WBP1L: variants seen among roughly 807,000 people sequenced by gnomAD.
WBP1L encodes WW domain binding protein 1-like.
In WBP1L, 17 loss-of-function variants were observed where a neutral mutation model predicts 33.7. The ratio of observed to expected loss-of-function variants is 0.50; its 90% CI spans 0.34 to 0.76. The LOEUF is 0.76. Among genes scored for constraint, WBP1L ranks in the 30% least tolerant of loss-of-function variants. The probability of loss-of-function intolerance (pLI) is 0.01; values close to 1 mark genes in which losing one functional copy is unlikely to be tolerated. For missense variants in WBP1L, 389 were observed against 469.4 expected, an observed-to-expected ratio of 0.83 and a Z score of 1.58; for synonymous variants, 173 against 190.8, an observed-to-expected ratio of 0.91 and a Z score of 0.77.
intron 2 of WBP1L, 47 bp downstream of exon 2, chr10:102,798,142 C>T (rs1229598750): frequency 4.6e-6 from 7 of 1,526,110 alleles, no homozygotes; most frequent in Non-Finnish European, 6.4e-6. Flanking sequence ...GTCCCAGTTA[C>T]TGCCTCTGCT....
At chr10:102,811,757 C>T (rs958154388) in intron 3 of WBP1L, among the ~76,000 whole-genome samples, 22 of 152,170 alleles carry the variant, frequency 1.4e-4, no homozygotes, top group African/African-American at 4.3e-4. Flanking sequence ...GTGATCTGCC[C>T]GCCTCGGCTT....
Position 102,813,313 on chromosome 10 carries a change from C to A in WBP1L, c.1074C>A (p.Ser358Arg). ...INEQDSPNSQ[S>R]SSSPS ...AGCAGGACTCTCCCAACTCCCAGAGCAGCAGCTCCCCCAGCTAGAGCAGGT... is the reference window on the plus strand; with the variant it reads ...AGCAGGACTCTCCCAACTCCCAGAGAAGCAGCTCCCCCAGCTAGAGCAGGT... The change falls in exon 4 of 4, where the codon AGC becomes AGA. Residue 358 changes from serine (S) to arginine (R), a missense_variant. By Grantham distance (110) the Ser-to-Arg change is moderately radical. Coordinates refer to ENST00000448841, the MANE Select transcript of WBP1L (RefSeq NM_001083913.2). The A allele has an allele frequency of 1.9e-6, 3 of 1,609,002 alleles. No homozygotes were observed.
At chr10:102,746,142 G>A (rs1842861953) in intron 1 of WBP1L, 1 of 985,230 alleles carries the variant, frequency 1.0e-6, no homozygotes, top group Admixed American at 6.2e-5. Context: ...GATGGAAAGT[G>A]GAGGTTCCTA....
At chr10:102,773,876 A>C (rs983321048) in intron 1 of WBP1L, among the ~76,000 whole-genome samples, 1 of 145,750 alleles carries the variant, frequency 6.9e-6, no homozygotes, top group African/African-American at 2.6e-5. Flanking sequence ...AAAAAAAAAA[A>C]GGAAGGAAGA....
chr10:102,804,263 C>T (rs1237877538), intron 2 of WBP1L, among the ~76,000 whole-genome samples: 1 of 151,406 alleles, frequency 6.6e-6, no homozygotes, highest in Non-Finnish European at 1.5e-5. Flanking sequence ...TGGTGCATGC[C>T]TGTAGTTCCA....
At chr10:102,790,805 C>T (rs1156660223) in intron 1 of WBP1L, among the ~76,000 whole-genome samples, 2 of 152,176 alleles carry the variant, frequency 1.3e-5, no homozygotes, top group Admixed American at 1.3e-4. Context: ...GCCACCGCGC[C>T]TGGCCAACAG....
At chr10:102,785,335 C>T (rs1033933330) in intron 1 of WBP1L, among the ~76,000 whole-genome samples, 5 of 151,936 alleles carry the variant, frequency 3.3e-5, no homozygotes, top group African/African-American at 1.2e-4. Context: ...CTACAGGCGC[C>T]TGCCACCACG....
At chr10:102,784,963 G>A (rs890244327) in intron 1 of WBP1L, among the ~76,000 whole-genome samples, 19 of 149,730 alleles carry the variant, frequency 1.3e-4, no homozygotes, top group Middle Eastern at 3.2e-3. Flanking sequence ...TGCAACCTCC[G>A]CCTCCAGGTT....
chr10:102,763,571 T>C (rs1437482175), intron 1 of WBP1L, among the ~76,000 whole-genome samples: 2 of 152,100 alleles, frequency 1.3e-5, no homozygotes, highest in Non-Finnish European at 2.9e-5. Flanking sequence ...TGGAACAATT[T>C]AGTTTAAAGG....
At chr10:102,792,886 C>T (rs1431809699) in intron 1 of WBP1L, among the ~76,000 whole-genome samples, 4 of 152,124 alleles carry the variant, frequency 2.6e-5, no homozygotes, top group Admixed American at 6.6e-5. Flanking sequence ...TGAGCCACCG[C>T]GCCGCCTAGT....
rs71019610 is a variant in WBP1L at position 102,747,358 on chromosome 10, CAAAAAAA to C, written c.90+3231_90+3237del. On this transcript the variant is annotated intron_variant, in intron 1 of 3. Coordinates refer to ENST00000448841, the MANE Select transcript of WBP1L (RefSeq NM_001083913.2). ...CTGGTGACAGAGCGAGACTCCGTCTCAAAAAAAAAAAAAAAAAAAAAAGAATGAGAAA... is the reference window on the plus strand; with the variant it reads ...CTGGTGACAGAGCGAGACTCCGTCTCAAAAAAAAAAAAAAAGAATGAGAAA... Among the ~76,000 whole-genome samples the C allele has an allele frequency of 6.3e-5, 5 of 79,022 alleles. No individual in the cohort carries two copies. The East Asian group carries it at 1.0e-3, about 17-fold the overall frequency. The allele number at this position is 79,022 out of a possible 152,430, so 51.8% of individuals were successfully genotyped here.
intron 1 of WBP1L, among the ~76,000 whole-genome samples, chr10:102,759,569 T>G (rs1843013860): frequency 6.6e-6 from 1 of 152,248 alleles, no homozygotes; most frequent in Non-Finnish European, 1.5e-5. Context: ...TCCATTTTAT[T>G]TATTCATCAA....
chr10:102,786,478 C>G (rs946030578), intron 1 of WBP1L, among the ~76,000 whole-genome samples: 3 of 152,144 alleles, frequency 2.0e-5, no homozygotes, highest in Non-Finnish European at 4.4e-5. Context: ...AGTCCCTGCC[C>G]CTAGAGGGTC....
At chr10:102,795,657 A>G (rs2134056728) in intron 1 of WBP1L, among the ~76,000 whole-genome samples, 1 of 152,356 alleles carries the variant, frequency 6.6e-6, no homozygotes, top group South Asian at 2.1e-4. Context: ...TTTTCCTGAG[A>G]CAGAAGTGTC....
At chr10:102,798,245 T>A (rs1024662304) in intron 2 of WBP1L, 150 bp downstream of exon 2, 5 of 639,848 alleles carry the variant, frequency 7.8e-6, no homozygotes, top group Non-Finnish European at 1.4e-5. Context: ...AAGTGCTTCC[T>A]TTGTAGAGGA....
chr10:102,747,411 T>C (rs1280802981), intron 1 of WBP1L, among the ~76,000 whole-genome samples: 1 of 151,606 alleles, frequency 6.6e-6, no homozygotes, highest in African/African-American at 2.4e-5. Flanking sequence ...CTCCAAATAG[T>C]AAGGCTCCGA....
At chr10:102,769,180 T>A (rs1843154010) in intron 1 of WBP1L, among the ~76,000 whole-genome samples, 1 of 152,202 alleles carries the variant, frequency 6.6e-6, no homozygotes, top group East Asian at 1.9e-4. Flanking sequence ...AAACAGGGTC[T>A]CCCTATGTTG....
intron 1 of WBP1L, among the ~76,000 whole-genome samples, chr10:102,784,933 A>G (rs1225345239): frequency 2.0e-5 from 3 of 149,154 alleles, no homozygotes; most frequent in Admixed American, 1.3e-4. Flanking sequence ...CTGGAGTGCA[A>G]TGGCACGATC....
chr10:102,755,071 T>G (rs927489653), intron 1 of WBP1L, among the ~76,000 whole-genome samples: 1 of 149,212 alleles, frequency 6.7e-6, no homozygotes, highest in African/African-American at 2.5e-5. Context: ...TGCCTCAGCC[T>G]CCCCAGTAGT....
Sources: gnomAD v4.1 joint callset for allele counts (sites outside exome capture counted in the v4.1 genomes callset) on GRCh38, gnomAD v4.1.1 for gene constraint, MANE v1.5 for transcripts, NCBI Gene and HGNC (gene_info 2026-07-23, HGNC 2026-07-21) for gene names.